The following CWC27 variants were observed in gnomAD, a reference collection of about 807,000 sequenced individuals.
CWC27 encodes CWC27 spliceosome associated cyclophilin.
CWC27 carries 47 observed loss-of-function variants against 63.6 expected under a neutral mutation model. The ratio of observed to expected loss-of-function variants is 0.74; its 90% confidence interval spans 0.58 to 0.94. The LOEUF (loss-of-function observed/expected upper bound fraction) is 0.94, where lower values mean the gene tolerates loss of function less well. Ranked by LOEUF, CWC27 falls within the 40% of genes least tolerant of loss-of-function variation. The probability of loss-of-function intolerance (pLI) is 0.00; values close to 1 mark genes in which losing one functional copy is unlikely to be tolerated. For missense variants in CWC27, 495 were observed against 554.3 expected (o/e 0.89, Z 1.07); for synonymous variants, 175 against 179.8 (o/e 0.97, Z 0.22).
intron 10 of CWC27, among the ~76,000 whole-genome samples, chr5:64,812,961 A>G (rs1326914461): frequency 1.3e-5 from 2 of 152,170 alleles, no homozygotes; most frequent in Admixed American, 1.3e-4. Context: ...TTGAACAAAA[A>G]TTGCCATTTT....
intron 1 of CWC27, among the ~76,000 whole-genome samples, chr5:64,771,471 GA>G (rs1197619066): frequency 1.3e-5 from 2 of 152,180 alleles, no homozygotes; most frequent in South Asian, 2.1e-4. Context: ...CCCTGAAGAT[GA>G]GGCAAAGAAA....
At chr5:64,961,348 GCT>G (rs1368440736) in intron 11 of CWC27, among the ~76,000 whole-genome samples, 1 of 152,074 alleles carries the variant, frequency 6.6e-6, no homozygotes, top group East Asian at 1.9e-4. Context: ...TAGCTCTTGT[GCT>G]CTAGTAAACT....
chr5:65,016,339 T>C (rs1019410268), intron 13 of CWC27, among the ~76,000 whole-genome samples: 4 of 152,166 alleles, frequency 2.6e-5, no homozygotes, highest in Non-Finnish European at 5.9e-5. Context: ...AAATTATGTA[T>C]CATTAATAAT....
chr5:64,817,343 C>G (rs1168163909), intron 10 of CWC27, among the ~76,000 whole-genome samples: 1 of 152,088 alleles, frequency 6.6e-6, no homozygotes, highest in African/African-American at 2.4e-5. Context: ...GGTACTTATT[C>G]AAGTGACCTA....
intron 13 of CWC27, among the ~76,000 whole-genome samples, chr5:64,986,620 T>C (rs1381046395): frequency 6.6e-6 from 1 of 152,246 alleles, no homozygotes; most frequent in Admixed American, 6.5e-5. Context: ...ATAATTTCTT[T>C]CTTAAATGTT....
At chr5:64,842,504 A>G (rs561110600) in intron 10 of CWC27, among the ~76,000 whole-genome samples, 4 of 151,994 alleles carry the variant, frequency 2.6e-5, no homozygotes, top group South Asian at 2.1e-4. Context: ...AGATTTCACC[A>G]TGTTAGCCAG....
chr5:64,844,936 C>A (rs751260090), intron 10 of CWC27: 8 of 456,590 alleles, frequency 1.8e-5, no homozygotes, highest in South Asian at 1.2e-4. Context: ...ATTACTCTGC[C>A]TAACCTTGGA....
chr5:64,838,624 G>A (rs547450675), intron 10 of CWC27, among the ~76,000 whole-genome samples: 1 of 152,280 alleles, frequency 6.6e-6, no homozygotes, highest in East Asian at 1.9e-4. Context: ...GCAAGGACAT[G>A]TTCTCATCCA....
chr5:64,807,523 C>G, intron 10 of CWC27: 1 of 1,443,330 alleles, frequency 6.9e-7, no homozygotes, highest in Non-Finnish European at 9.1e-7. Flanking sequence ...ACCCTTATAT[C>G]TATTCTGACT....
intron 11 of CWC27, among the ~76,000 whole-genome samples, chr5:64,970,316 C>T (rs1280193932): frequency 2.1e-4 from 31 of 148,212 alleles, no homozygotes; most frequent in East Asian, 4.0e-4. Context: ...GGGTTCACGC[C>T]ATTCTCCTGC....
intron 10 of CWC27, among the ~76,000 whole-genome samples, chr5:64,868,469 A>G (rs1166417437): frequency 6.6e-6 from 1 of 152,054 alleles, no homozygotes; most frequent in African/African-American, 2.4e-5. Flanking sequence ...AAAGTCTCAG[A>G]CTTACATACG....
At chr5:65,012,850 CCTTTA>C (rs1316616572) in intron 13 of CWC27, among the ~76,000 whole-genome samples, 1 of 152,080 alleles carries the variant, frequency 6.6e-6, no homozygotes, top group Non-Finnish European at 1.5e-5. Context: ...ATTTCTGTGC[CCTTTA>C]CTTTGACTGC....
At chr5:64,957,552 G>A (rs1561170389) in intron 11 of CWC27, among the ~76,000 whole-genome samples, 1 of 152,102 alleles carries the variant, frequency 6.6e-6, no homozygotes, top group Non-Finnish European at 1.5e-5. Context: ...GAAAGCTGGA[G>A]CCCCCAAAAG....
chr5:64,959,150 G>A (rs1748857735), intron 11 of CWC27, among the ~76,000 whole-genome samples: 1 of 151,966 alleles, frequency 6.6e-6, no homozygotes, highest in African/African-American at 2.4e-5. Context: ...CACATGTATA[G>A]AGACCCCCCC....
At chr5:64,981,115 C>T (rs1749325645) in intron 13 of CWC27, among the ~76,000 whole-genome samples, 1 of 151,876 alleles carries the variant, frequency 6.6e-6, no homozygotes, top group Admixed American at 6.6e-5. Flanking sequence ...AAAATGTTCA[C>T]TGTGGAAAAA....
chr5:64,872,610 T>C (rs73105224), intron 10 of CWC27, among the ~76,000 whole-genome samples: 1,651 of 148,274 alleles, frequency 0.011, 25 homozygotes, highest in African/African-American at 0.041. Context: ...CATATATTCA[T>C]TTTTTTACAT....
chr5:64,849,522 C>T (rs141121819), intron 10 of CWC27, among the ~76,000 whole-genome samples: 1 of 151,696 alleles, frequency 6.6e-6, no homozygotes, highest in African/African-American at 2.4e-5. Flanking sequence ...TTAGCACCAT[C>T]CCTCTAGTGC....
rs148357604 is a variant in CWC27, at chr5:64,974,239, T to TA, written c.1152+2438dup. 6.1e-4 allele frequency among the ~76,000 whole-genome samples: 90 copies of TA among 146,736 alleles called. No homozygotes were observed. The South Asian group carries it at 7.8e-3, about 13-fold the overall frequency. ...GGTGACAGAGTGAGACTCTATCTCT[T>TA]AAAAAAAAAAATGATAGGGTTTACT... On this transcript the variant is annotated intron_variant, in intron 12 of 13. Transcript: ENST00000381070.
At chr5:65,015,908 T>C (rs1429121367) in intron 13 of CWC27, among the ~76,000 whole-genome samples, 1 of 152,206 alleles carries the variant, frequency 6.6e-6, no homozygotes, top group Non-Finnish European at 1.5e-5. Flanking sequence ...GCATATTCAC[T>C]GGAGCCAGTC....
Sources: allele counts gnomAD v4.1 joint callset (sites outside exome capture counted in the v4.1 genomes callset), GRCh38; gene constraint gnomAD v4.1.1; transcripts MANE v1.5; gene names NCBI Gene and HGNC (gene_info 2026-07-23, HGNC 2026-07-21).